HECW1: variants seen among roughly 807,000 people sequenced by gnomAD.
The protein encoded by HECW1 is HECT, C2 and WW domain containing E3 ubiquitin protein ligase 1.
A neutral mutation model predicts 182.3 loss-of-function variants in HECW1; 61 were observed. The ratio of observed to expected loss-of-function variants is 0.33; its 90% CI spans 0.27 to 0.41. The LOEUF is 0.41. Ranked by LOEUF, HECW1 falls within the 10% of genes least tolerant of loss-of-function variation. The probability of loss-of-function intolerance (pLI) is 1.00; values close to 1 mark genes in which losing one functional copy is unlikely to be tolerated. For missense variants in HECW1, 1,739 were observed against 2,108.9 expected (o/e 0.82, Z 3.44); for synonymous variants, 859 against 832.6 (o/e 1.03, Z -0.55).
At chr7:43,301,343 TC>T (rs1480135212) in intron 3 of HECW1, among the ~76,000 whole-genome samples, 1 of 152,140 alleles carries the variant, frequency 6.6e-6, no homozygotes, top group African/African-American at 2.4e-5. Context: ...TTCCATGTCC[TC>T]CCATCTGGGA....
intron 13 of HECW1, among the ~76,000 whole-genome samples, chr7:43,462,165 T>A (rs932849210): frequency 1.3e-5 from 2 of 152,102 alleles, no homozygotes; most frequent in African/African-American, 2.4e-5. Context: ...GACAGGCTAT[T>A]CCCTGCTACC....
At chr7:43,526,092 A>G (rs927647208) in intron 24 of HECW1, among the ~76,000 whole-genome samples, 25 of 152,238 alleles carry the variant, frequency 1.6e-4, no homozygotes, top group African/African-American at 6.0e-4. Context: ...TGGCTTATGC[A>G]TTCCATATTT....
intron 6 of HECW1, among the ~76,000 whole-genome samples, chr7:43,391,140 T>A (rs544357324): frequency 2.1e-4 from 32 of 152,260 alleles, no homozygotes; most frequent in African/African-American, 7.7e-4. Context: ...CAGAAGAAGG[T>A]CTTCAGGACT....
intron 2 of HECW1, among the ~76,000 whole-genome samples, chr7:43,210,007 G>T (rs768038546): frequency 6.6e-6 from 1 of 152,190 alleles, no homozygotes. Context: ...TCTCCAAAGC[G>T]AAGGTGGGAC....
At chr7:43,558,309 T>A (rs1202311030) in intron 29 of HECW1, among the ~76,000 whole-genome samples, 1 of 152,164 alleles carries the variant, frequency 6.6e-6, no homozygotes, top group Non-Finnish European at 1.5e-5. Flanking sequence ...ACCAGGGATA[T>A]CAAAGCTATG....
At chr7:43,236,271 ATTAT>A (rs1271282383) in intron 2 of HECW1, among the ~76,000 whole-genome samples, 2 of 152,220 alleles carry the variant, frequency 1.3e-5, no homozygotes, top group Non-Finnish European at 2.9e-5. Context: ...AATCTATATC[ATTAT>A]TTAAGTAATT....
At position 43,485,794 on chromosome 7, in the gene HECW1, G is replaced by T. The variant is rs114695166; in HGVS notation, c.3234+6050G>T. Among the ~76,000 whole-genome samples the T allele has an allele frequency of 7.9e-3, 1,209 of 152,304 alleles. 17 individuals carry two copies. Among genetic ancestry groups the T allele is most frequent in the African/African-American group, 0.028 (1,150 of 41,554 alleles). On this transcript the variant is annotated intron_variant, in intron 17 of 29. Transcript: ENST00000395891. ...TGGGTGAGTCAGTGAGTGAGTGACT[G>T]TGAGGCCTAGGACATTACTGTACAC...
At chr7:43,126,217 C>T (rs563058932) in intron 2 of HECW1, among the ~76,000 whole-genome samples, 129 of 152,012 alleles carry the variant, frequency 8.5e-4, no homozygotes, top group African/African-American at 2.9e-3. Flanking sequence ...TTCTCTTGTC[C>T]ATAAAGCATT....
Position 43,445,061 on chromosome 7 carries a change from C to G in HECW1, c.1889C>G (p.Pro630Arg). The change falls in exon 11 of 30, where the codon CCT (proline) becomes CGT (arginine). Residue 630 changes from proline to arginine, a missense_variant. By Grantham distance (103) the Pro-to-Arg change is moderately radical. Around this residue, in one of 5 missense-constraint regions of HECW1, gnomAD observed 971 missense variants for 1,029.1 expected, o/e 0.94. Transcript: ENST00000395891. ...PEGATPGTAH[P>R]GHSGGHFPSL... The stretch of plus-strand genomic sequence containing the variant: ...GGGGCTACTCCAGGCACGGCGCACC[C>G]TGGCCACTCCGGGGGCCACTTCCCC... 2 of 1,590,134 alleles carry G rather than the reference C, an allele frequency of 1.3e-6. No homozygotes were observed. Among genetic ancestry groups the G allele is most frequent in the Non-Finnish European group, 1.7e-6 (2 of 1,168,748 alleles).
chr7:43,214,206 CA>C (rs548300593), intron 2 of HECW1, among the ~76,000 whole-genome samples: 259 of 151,422 alleles, frequency 1.7e-3, no homozygotes, highest in African/African-American at 6.0e-3. Flanking sequence ...TTTTCAAATA[CA>C]TTTTTTTGTT....
chr7:43,387,399 T>C (rs1222005968), intron 6 of HECW1, among the ~76,000 whole-genome samples: 2 of 152,226 alleles, frequency 1.3e-5, no homozygotes, highest in South Asian at 2.1e-4. Context: ...TTCCTCAAGT[T>C]TGAAGGAGAA....
intron 2 of HECW1, among the ~76,000 whole-genome samples, chr7:43,168,263 T>G (rs6463170): frequency 6.6e-6 from 1 of 151,906 alleles, no homozygotes; most frequent in Non-Finnish European, 1.5e-5. Context: ...TCAGCCTGTG[T>G]GAGAGACAGA....
chr7:43,503,931 G>T (rs1321788625), intron 21 of HECW1, among the ~76,000 whole-genome samples: 2 of 152,168 alleles, frequency 1.3e-5, no homozygotes, highest in Admixed American at 6.5e-5. Context: ...CCCAAAACCT[G>T]GTATTCCACC....
chr7:43,423,263 C>G (rs1393337586), intron 8 of HECW1, among the ~76,000 whole-genome samples: 1 of 152,150 alleles, frequency 6.6e-6, no homozygotes, highest in Non-Finnish European at 1.5e-5. Context: ...TTTTTAAGTT[C>G]CCTGACATAG....
chr7:43,530,684 C>T (rs116987435), intron 24 of HECW1, among the ~76,000 whole-genome samples: 1,760 of 152,236 alleles, frequency 0.012, 13 homozygotes, highest in Non-Finnish European at 0.018. Context: ...TATCAAAATA[C>T]CTACTAGACA....
At chr7:43,218,963 C>G (rs951906838) in intron 2 of HECW1, among the ~76,000 whole-genome samples, 3 of 152,156 alleles carry the variant, frequency 2.0e-5, no homozygotes, top group African/African-American at 7.2e-5. Context: ...AGAGAGGGAA[C>G]TCACCTGTGG....
At chr7:43,407,954 A>G (rs554778080) in intron 8 of HECW1, among the ~76,000 whole-genome samples, 4 of 152,322 alleles carry the variant, frequency 2.6e-5, no homozygotes, top group Admixed American at 2.6e-4. Context: ...CACTGCATGC[A>G]GTAGCCTCTT....
At position 43,456,379 on chromosome 7, in the gene HECW1, G is replaced by A. The variant is rs766106409; in HGVS notation, c.2583G>A (p.Thr861=). ...VNRTTTWQRP[T]AAATPDGMRR... ...GCACAACCACCTGGCAGCGTCCGAC[G>A]GCAGCAGCCACCCCGGATGGCATGC... The change falls in exon 13 of 30, where the codon ACG becomes ACA. Residue 861 remains threonine, a synonymous_variant. Coordinates refer to ENST00000395891, the MANE Select transcript of HECW1 (RefSeq NM_015052.5). The A allele has an allele frequency of 6.8e-6, 11 of 1,614,084 alleles. No homozygotes were observed. The highest frequency in any genetic ancestry group is 6.7e-5 in the Admixed American group (4 of 60,016).
At chr7:43,302,941 A>ACATACACATGCGCGCG (rs1807029201) in intron 3 of HECW1, among the ~76,000 whole-genome samples, 1 of 123,328 alleles carries the variant, frequency 8.1e-6, no homozygotes, top group African/African-American at 3.3e-5. Flanking sequence ...ACACACGTGC[A>ACATACACATGCGCGCG]CACACACATG....
Sources: gnomAD v4.1 joint callset for allele counts (sites outside exome capture counted in the v4.1 genomes callset) on GRCh38, gnomAD v4.1.1 for gene constraint, gnomAD v4.1.1 regional missense constraint, MANE v1.5 for transcripts, NCBI Gene and HGNC (gene_info 2026-07-23, HGNC 2026-07-21) for gene names.